Variants in ARHGEF12 observed in about 807,000 individuals in gnomAD.
ARHGEF12 encodes the protein Rho guanine nucleotide exchange factor 12.
A neutral mutation model predicts 211.2 loss-of-function variants in ARHGEF12; 66 were observed. That is an observed-to-expected ratio of 0.31 (90% CI 0.26 to 0.38). ARHGEF12 has a LOEUF of 0.38. Ranked by LOEUF, ARHGEF12 falls within the 10% of genes least tolerant of loss-of-function variation. The pLI, the probability that ARHGEF12 is intolerant of heterozygous loss-of-function variation, is 1.00. For missense variants in ARHGEF12, 1,429 were observed against 1,869.5 expected, an observed-to-expected ratio of 0.76 and a Z score of 4.34; for synonymous variants, 592 against 638.4, an observed-to-expected ratio of 0.93 and a Z score of 1.09.
chr11:120,483,256 A>ATT (rs1947302719), intron 39 of ARHGEF12, among the ~76,000 whole-genome samples: 1 of 122,874 alleles, frequency 8.1e-6, no homozygotes, highest in African/African-American at 3.0e-5. Flanking sequence ...CTCCATAATA[A>ATT]TCTTTTTTTT....
chr11:120,339,878 C>A (rs1484607491), intron 1 of ARHGEF12, among the ~76,000 whole-genome samples: 2 of 152,176 alleles, frequency 1.3e-5, no homozygotes, highest in Non-Finnish European at 2.9e-5. Context: ...GTTAAATCAA[C>A]ACATTAACTT....
intron 4 of ARHGEF12, among the ~76,000 whole-genome samples, chr11:120,412,162 A>C (rs1944902994): frequency 6.6e-6 from 1 of 152,296 alleles, no homozygotes; most frequent in East Asian, 1.9e-4. Context: ...TTTTAATAAT[A>C]CTTAATTTTA....
chr11:120,338,664 C>T (rs1942432698), intron 1 of ARHGEF12, among the ~76,000 whole-genome samples: 1 of 152,118 alleles, frequency 6.6e-6, no homozygotes, highest in Non-Finnish European at 1.5e-5. Context: ...TGAGAAATCA[C>T]TTTTACGGGT....
In ARHGEF12 at chr11:120,434,069, A is replaced by G. The variant is rs149744997; in HGVS notation, c.924+2158A>G. ...CTTAGTATTTGAATACATGAAATCAATGAATAAAGTGGGCTTTATCTTGCA... is the reference window on the plus strand; with the variant it reads ...CTTAGTATTTGAATACATGAAATCAGTGAATAAAGTGGGCTTTATCTTGCA... On this transcript the variant is annotated intron_variant, in intron 11 of 40. Coordinates refer to ENST00000397843, the MANE Select transcript of ARHGEF12 (RefSeq NM_015313.3). Among the ~76,000 whole-genome samples, 415 of 152,328 alleles carry G rather than the reference A, an allele frequency of 2.7e-3. 7 individuals are homozygous for G. Among genetic ancestry groups the G allele is most frequent in the Admixed American group, 0.02 (306 of 15,300 alleles).
chr11:120,355,397 CTAGGTACTT>C (rs1943104672), intron 1 of ARHGEF12, among the ~76,000 whole-genome samples: 1 of 152,076 alleles, frequency 6.6e-6, no homozygotes, highest in Non-Finnish European at 1.5e-5. Context: ...AAGCCTCATT[CTAGGTACTT>C]TATATACATC....
intron 1 of ARHGEF12, among the ~76,000 whole-genome samples, chr11:120,353,321 C>T (rs928839886): frequency 6.6e-6 from 1 of 152,178 alleles, no homozygotes; most frequent in African/African-American, 2.4e-5. Flanking sequence ...ATCACAGTCG[C>T]AGAATCTTGA....
intron 1 of ARHGEF12, among the ~76,000 whole-genome samples, chr11:120,402,782 C>A (rs1416298184): frequency 6.6e-6 from 1 of 152,062 alleles, no homozygotes; most frequent in Non-Finnish European, 1.5e-5. Context: ...TCTTTATGCA[C>A]TGAAATCAAT....
At chr11:120,342,754 A>G (rs1412647551) in intron 1 of ARHGEF12, among the ~76,000 whole-genome samples, 1 of 152,212 alleles carries the variant, frequency 6.6e-6, no homozygotes, top group Non-Finnish European at 1.5e-5. Flanking sequence ...GCAATTACTC[A>G]TGTTCTAAAA....
intron 29 of ARHGEF12, among the ~76,000 whole-genome samples, chr11:120,468,112 G>A (rs943472468): frequency 3.9e-5 from 6 of 152,096 alleles, no homozygotes; most frequent in African/African-American, 1.4e-4. Flanking sequence ...AAATCAATGC[G>A]GTGTAATTCC....
intron 1 of ARHGEF12, among the ~76,000 whole-genome samples, chr11:120,340,468 A>T (rs1015887571): frequency 2.0e-5 from 3 of 152,206 alleles, no homozygotes; most frequent in Admixed American, 2.0e-4. Context: ...CACTGAATTC[A>T]GCTTTGAGCT....
chr11:120,473,154 AAAAAT>A, intron 31 of ARHGEF12, 27 bp downstream of exon 31: 1 of 1,602,034 alleles, frequency 6.2e-7, no homozygotes, highest in Non-Finnish European at 8.5e-7. Flanking sequence ...TCATAATTTA[AAAAAT>A]AAAATAAAAT....
At chr11:120,391,151 T>G (rs1243513185) in intron 1 of ARHGEF12, among the ~76,000 whole-genome samples, 1 of 152,200 alleles carries the variant, frequency 6.6e-6, no homozygotes, top group East Asian at 1.9e-4. Flanking sequence ...ATGAATATTT[T>G]TCAGGGAAGC....
At chr11:120,407,262 TAGAACTACATCAGC>T (rs1166442084) in intron 2 of ARHGEF12, among the ~76,000 whole-genome samples, 3 of 152,248 alleles carry the variant, frequency 2.0e-5, no homozygotes, top group African/African-American at 7.2e-5. Context: ...CTTCTGTGGC[TAGAACTACATCAGC>T]AGGCTTAAAA....
intron 1 of ARHGEF12, among the ~76,000 whole-genome samples, chr11:120,360,005 C>T (rs1324120224): frequency 6.6e-6 from 1 of 152,052 alleles, no homozygotes; most frequent in Non-Finnish European, 1.5e-5. Flanking sequence ...TCTAATAACA[C>T]GTAATACTAT....
chr11:120,460,104 G>A lies in ARHGEF12; in HGVS notation c.2528-568G>A, dbSNP rs1946484770. On this transcript the variant is annotated intron_variant, in intron 26 of 40. Coordinates refer to ENST00000397843, the MANE Select transcript of ARHGEF12 (RefSeq NM_015313.3). The stretch of plus-strand genomic sequence containing the variant: ...CATTTTATTGGTTGAAGTCATCTTG[G>A]ACTTTTGTGGACAGTAATATGATGT... Among the ~76,000 whole-genome samples, 3 of 152,176 alleles carry A rather than the reference G, an allele frequency of 2.0e-5. No individual in the cohort carries two copies. The East Asian group carries it at 5.8e-4, about 29-fold the overall frequency.
intron 22 of ARHGEF12, among the ~76,000 whole-genome samples, chr11:120,453,218 A>AT (rs1325515564): frequency 4.6e-5 from 7 of 152,230 alleles, no homozygotes; most frequent in African/African-American, 1.7e-4. Flanking sequence ...TTTGGAGAAA[A>AT]TTCTGGGGAT....
chr11:120,461,536 C>T (rs976441267), intron 27 of ARHGEF12, among the ~76,000 whole-genome samples: 1 of 152,072 alleles, frequency 6.6e-6, no homozygotes. Context: ...GAATGGTAAA[C>T]AATCATTGGC....
intron 7 of ARHGEF12, among the ~76,000 whole-genome samples, chr11:120,425,072 G>T (rs1193718742): frequency 1.3e-5 from 2 of 152,174 alleles, no homozygotes; most frequent in Non-Finnish European, 2.9e-5. Context: ...CCCGTCACTT[G>T]CAGGGTCAAA....
At chr11:120,348,756 G>A (rs187333778) in intron 1 of ARHGEF12, among the ~76,000 whole-genome samples, 1 of 152,056 alleles carries the variant, frequency 6.6e-6, no homozygotes, top group African/African-American at 2.4e-5. Flanking sequence ...CAGGAGAATC[G>A]CTTGAACCAG....
Sources: gnomAD v4.1 joint callset for allele counts (sites outside exome capture counted in the v4.1 genomes callset) on GRCh38, gnomAD v4.1.1 for gene constraint, MANE v1.5 for transcripts, NCBI Gene and HGNC (gene_info 2026-07-23, HGNC 2026-07-21) for gene names.